The following BMAL1 variants were observed in gnomAD, a reference collection of about 807,000 sequenced individuals.
The protein encoded by BMAL1 is basic helix-loop-helix ARNT like 1.
chr11:13,276,780 A>G, the BMAL1 span: 2 of 152,208 alleles, frequency 1.3e-5, no homozygotes, highest in African/African-American at 4.8e-5. Context: ...GCCCTCTACA[A>G]AGTGCCTGAG....
the BMAL1 span, among the ~76,000 whole-genome samples, chr11:13,348,402 C>T: frequency 3.9e-5 from 6 of 152,020 alleles, no homozygotes; most frequent in East Asian, 3.9e-4. Flanking sequence ...GGGGGTATCC[C>T]GCCTCTGACC....
the BMAL1 span, chr11:13,357,230 G>T: frequency 7.5e-7 from 1 of 1,329,358 alleles, no homozygotes; most frequent in Non-Finnish European, 1.0e-6. The surrounding 1 kb of genome is among the most constrained non-coding windows in gnomAD (Gnocchi z 4.8). Context: ...GAATAGGCAG[G>T]TAGTGGGCCT....
chr11:13,310,623 A>G, the BMAL1 span, among the ~76,000 whole-genome samples: 1 of 152,316 alleles, frequency 6.6e-6, no homozygotes, highest in African/African-American at 2.4e-5. Flanking sequence ...CTGTGGTAAC[A>G]TGCAAGCAGC....
At chr11:13,278,586 G>A in the BMAL1 span, among the ~76,000 whole-genome samples, 1 of 152,224 alleles carries the variant, frequency 6.6e-6, no homozygotes, top group South Asian at 2.1e-4. Context: ...CTGCACCCGG[G>A]AATCCCCGGC....
the BMAL1 span, chr11:13,376,772 G>A: frequency 6.3e-6 from 10 of 1,577,138 alleles, no homozygotes; most frequent in African/African-American, 1.1e-4. Context: ...CCGTGGGAAG[G>A]TGCTTGTGGT....
At chr11:13,324,135 C>T in the BMAL1 span, among the ~76,000 whole-genome samples, 5 of 3,758 alleles carry the variant, frequency 1.3e-3, no homozygotes, top group Non-Finnish European at 0.069. Flanking sequence ...GGCCAGACCA[C>T]TGCTCTACCC....
At chr11:13,332,728 G>A in the BMAL1 span, among the ~76,000 whole-genome samples, 35 of 152,226 alleles carry the variant, frequency 2.3e-4, no homozygotes, top group African/African-American at 7.9e-4. Context: ...TCCTGTGTGT[G>A]ACTCGGCCAG....
At chr11:13,385,660 A>T in the BMAL1 span, 1 of 1,556,072 alleles carries the variant, frequency 6.4e-7, no homozygotes, top group Non-Finnish European at 8.9e-7. Context: ...ACTGATTCAA[A>T]CTTCACACTT....
the BMAL1 span, chr11:13,354,210 A>AAACC: frequency 7.3e-6 from 2 of 273,518 alleles, no homozygotes; most frequent in Non-Finnish European, 1.1e-5. Context: ...GCCCCCCACC[A>AAACC]CCAAACCCCC....
At chr11:13,286,256 C>T in the BMAL1 span, among the ~76,000 whole-genome samples, 1 of 152,250 alleles carries the variant, frequency 6.6e-6, no homozygotes, top group South Asian at 2.1e-4. Context: ...CCATTTACCT[C>T]AGTCACTTCT....
chr11:13,292,384 A>G, the BMAL1 span, among the ~76,000 whole-genome samples: 2 of 151,642 alleles, frequency 1.3e-5, no homozygotes, highest in South Asian at 4.2e-4. Flanking sequence ...TCTACTAAAA[A>G]TACAAAAAAA....
At chr11:13,307,162 T>TA in the BMAL1 span, among the ~76,000 whole-genome samples, 123 of 152,224 alleles carry the variant, frequency 8.1e-4, 1 homozygote, top group African/African-American at 2.5e-3. Flanking sequence ...CTGGGGAAGA[T>TA]AAAAAAGACT....
chr11:13,312,208 A>G, the BMAL1 span, among the ~76,000 whole-genome samples: 11 of 152,310 alleles, frequency 7.2e-5, no homozygotes, highest in South Asian at 6.2e-4. Context: ...GCAATGACCT[A>G]TGTGGGGGGA....
the BMAL1 span, chr11:13,381,270 C>A: frequency 6.2e-7 from 1 of 1,612,240 alleles, no homozygotes; most frequent in Non-Finnish European, 8.5e-7. Flanking sequence ...ACTGATGATT[C>A]TTAGCCTAAG....
At chr11:13,341,853 G>A in the BMAL1 span, among the ~76,000 whole-genome samples, 1 of 152,238 alleles carries the variant, frequency 6.6e-6, no homozygotes, top group Non-Finnish European at 1.5e-5. Flanking sequence ...GATCCTTCTT[G>A]CTTCCATCAG....
the BMAL1 span, among the ~76,000 whole-genome samples, chr11:13,382,383 G>A: frequency 2.0e-5 from 3 of 152,160 alleles, no homozygotes; most frequent in Non-Finnish European, 4.4e-5. Flanking sequence ...TTATAATGGA[G>A]CTAATAATGG....
chr11:13,331,420 G>A, the BMAL1 span, among the ~76,000 whole-genome samples: 1 of 152,342 alleles, frequency 6.6e-6, no homozygotes, highest in Admixed American at 6.5e-5. Flanking sequence ...TGATGCAGTG[G>A]TGGGTGGTAG....
At chr11:13,340,173 G>T in the BMAL1 span, among the ~76,000 whole-genome samples, 76 of 152,282 alleles carry the variant, frequency 5.0e-4, no homozygotes, top group Middle Eastern at 3.4e-3. Flanking sequence ...TGGGGCAGTG[G>T]TAGCCGTCTG....
the BMAL1 span, chr11:13,354,527 C>CTGT: frequency 6.5e-7 from 1 of 1,528,498 alleles, no homozygotes; most frequent in Non-Finnish European, 8.8e-7. Context: ...CAGCCAGCTA[C>CTGT]TGTTTCATCC....
Sources: gnomAD v4.1 joint callset for allele counts (sites outside exome capture counted in the v4.1 genomes callset) on GRCh38, gnomAD v4.1.1 for gene constraint, Gnocchi (gnomAD v3.1) non-coding constraint, MANE v1.5 for transcripts, NCBI Gene and HGNC (gene_info 2026-07-23, HGNC 2026-07-21) for gene names.